SCN8A: variants seen among roughly 807,000 people sequenced by gnomAD.
SCN8A encodes the protein sodium channel protein type 8 subunit alpha.
Under a neutral mutation model 184.1 loss-of-function variants are expected in SCN8A, and 30 were observed. The ratio of observed to expected loss-of-function variants is 0.16; its 90% CI spans 0.12 to 0.22. SCN8A has a LOEUF of 0.22. SCN8A is among the 10% of genes least tolerant of loss of function. SCN8A has a pLI of 1.00. For synonymous variants in SCN8A, 852 were observed against 907.0 expected (o/e 0.94, Z 1.09); for missense variants, 1,057 against 2,498.9 (o/e 0.42, Z 12.30).
At chr12:51,751,851 C>G (rs1942600260) in intron 14 of SCN8A, among the ~76,000 whole-genome samples, 1 of 152,158 alleles carries the variant, frequency 6.6e-6, no homozygotes, top group African/African-American at 2.4e-5. Context: ...AATGGGAGGC[C>G]TGGTACAGTG....
At chr12:51,763,006 TGA>T (rs1383950463) in intron 15 of SCN8A, among the ~76,000 whole-genome samples, 3 of 152,174 alleles carry the variant, frequency 2.0e-5, no homozygotes, top group Admixed American at 2.0e-4. Flanking sequence ...AGGCCCAGTG[TGA>T]GGTCTAATTT....
rs146359530 is a variant in SCN8A at position 51,786,371 on chromosome 12, C to T, written c.3943-171C>T. Among the ~76,000 whole-genome samples, 148 of 152,358 alleles carry T rather than the reference C, an allele frequency of 9.7e-4. No homozygotes were observed. In the East Asian group the frequency reaches 0.024, roughly 25 times the overall value. On this transcript the variant is annotated intron_variant, in intron 21 of 26. Transcript: ENST00000627620. ...AAAATTCCTTCAATATAGTCCTAGA[C>T]TTAGAAATTTTTGGTCCTACTTGTC... is the stretch of plus-strand genomic sequence containing the variant.
intron 1 of SCN8A, among the ~76,000 whole-genome samples, chr12:51,637,513 C>T (rs1469548674): frequency 6.6e-6 from 1 of 152,174 alleles, no homozygotes; most frequent in Non-Finnish European, 1.5e-5. Flanking sequence ...AGCCTTAATG[C>T]TGATATGGAG....
At chr12:51,659,503 T>C (rs1456608648) in intron 1 of SCN8A, among the ~76,000 whole-genome samples, 1 of 152,230 alleles carries the variant, frequency 6.6e-6, no homozygotes, top group Non-Finnish European at 1.5e-5. Flanking sequence ...CCAGCGCAGG[T>C]GTTCTTGCAG....
chr12:51,715,087 T>C, intron 11 of SCN8A, among the ~76,000 whole-genome samples: 1 of 152,236 alleles, frequency 6.6e-6, no homozygotes, highest in East Asian at 1.9e-4. Context: ...GGGAATGCCC[T>C]AAATCAGGAT....
chr12:51,758,423 GGTTT>G (rs537801710), intron 14 of SCN8A, among the ~76,000 whole-genome samples: 73 of 152,194 alleles, frequency 4.8e-4, no homozygotes, highest in South Asian at 2.7e-3. Context: ...TTTAATGTCT[GGTTT>G]GTTTGTTTGT....
At chr12:51,723,788 C>T (rs1406371575) in intron 12 of SCN8A, among the ~76,000 whole-genome samples, 2 of 151,650 alleles carry the variant, frequency 1.3e-5, no homozygotes, top group Non-Finnish European at 2.9e-5. Context: ...AGGGAGGTTG[C>T]AGTGAGCCAA....
intron 1 of SCN8A, among the ~76,000 whole-genome samples, chr12:51,652,519 T>G (rs1017292161): frequency 1.3e-5 from 2 of 152,214 alleles, no homozygotes; most frequent in Admixed American, 1.3e-4. Context: ...CTCCTTCCCA[T>G]GAGAGCAGGG....
At chr12:51,600,107 G>T (rs368607948) in intron 1 of SCN8A, among the ~76,000 whole-genome samples, 15 of 152,206 alleles carry the variant, frequency 9.9e-5, no homozygotes, top group East Asian at 5.8e-4. Context: ...GTTATTTCTT[G>T]TAGGAAAACT....
intron 19 of SCN8A, among the ~76,000 whole-genome samples, chr12:51,772,184 T>G (rs554551040): frequency 6.6e-6 from 1 of 151,884 alleles, no homozygotes; most frequent in African/African-American, 2.4e-5. Flanking sequence ...TCACCTGAGG[T>G]TGGGAGTTCG....
At chr12:51,700,307 C>A (rs1449603765) in intron 7 of SCN8A, among the ~76,000 whole-genome samples, 2 of 152,186 alleles carry the variant, frequency 1.3e-5, no homozygotes, top group African/African-American at 4.8e-5. Context: ...AGCCCTCTCT[C>A]TCCCTTTTTC....
At chr12:51,591,506 C>T (rs1271366015) in intron 1 of SCN8A, 147 bp downstream of exon 1, 2 of 152,884 alleles carry the variant, frequency 1.3e-5, no homozygotes, top group East Asian at 3.8e-4. Flanking sequence ...GGCCGTGGAG[C>T]TGGGGCTCTG....
intron 1 of SCN8A, among the ~76,000 whole-genome samples, chr12:51,660,926 G>T (rs144179443): frequency 5.6e-4 from 86 of 152,216 alleles, no homozygotes; most frequent in African/African-American, 2.0e-3. Flanking sequence ...GGTAGGAGAA[G>T]AATGAAGGAA....
At chr12:51,712,517 C>T (rs1941895606) in intron 11 of SCN8A, 1 of 773,642 alleles carries the variant, frequency 1.3e-6, no homozygotes, top group Admixed American at 1.7e-5. Context: ...ATAACCACCA[C>T]CATAGGGACT....
At chr12:51,638,562 C>T (rs562369070) in intron 1 of SCN8A, among the ~76,000 whole-genome samples, 2 of 151,756 alleles carry the variant, frequency 1.3e-5, no homozygotes, top group South Asian at 4.2e-4. Flanking sequence ...TCTTGGCTCA[C>T]TGCAACCTCC....
At chr12:51,724,849 T>G (rs1942131362) in intron 12 of SCN8A, among the ~76,000 whole-genome samples, 2 of 151,958 alleles carry the variant, frequency 1.3e-5, no homozygotes, top group African/African-American at 4.8e-5. Flanking sequence ...GGTTTAGGGG[T>G]TTTGTTTTTG....
intron 1 of SCN8A, among the ~76,000 whole-genome samples, chr12:51,616,999 T>C (rs138104643): frequency 5.8e-4 from 88 of 152,332 alleles, no homozygotes; most frequent in African/African-American, 1.8e-3. Context: ...TGTTTCCCTA[T>C]GTGTAATGTA....
At chr12:51,701,590 G>A (rs946226744) in intron 8 of SCN8A, among the ~76,000 whole-genome samples, 2 of 152,118 alleles carry the variant, frequency 1.3e-5, no homozygotes, top group African/African-American at 4.8e-5. Context: ...CATAGAGGAG[G>A]AAAAAGAGTA....
intron 12 of SCN8A, among the ~76,000 whole-genome samples, chr12:51,735,104 CT>C (rs758554734): frequency 7.2e-4 from 110 of 152,182 alleles, no homozygotes; most frequent in Non-Finnish European, 1.3e-3. Flanking sequence ...TTATGTTTAG[CT>C]CCCACAACGA....
Sources: gnomAD v4.1 joint callset for allele counts (sites outside exome capture counted in the v4.1 genomes callset) on GRCh38, gnomAD v4.1.1 for gene constraint, MANE v1.5 for transcripts, NCBI Gene and HGNC (gene_info 2026-07-23, HGNC 2026-07-21) for gene names.